The following KIAA1755 variants were observed in gnomAD, a reference collection of about 807,000 sequenced individuals.
KIAA1755 encodes uncharacterized protein KIAA1755.
In KIAA1755, 68 loss-of-function variants were observed where a neutral mutation model predicts 91.7. That is an observed-to-expected ratio of 0.74 (90% CI 0.61 to 0.91). The LOEUF (loss-of-function observed/expected upper bound fraction) is 0.91, where lower values mean the gene tolerates loss of function less well. KIAA1755 is among the 40% of genes least tolerant of loss of function. KIAA1755 has a pLI of 0.00. For missense variants in KIAA1755, 1,535 were observed against 1,494.4 expected (o/e 1.03, Z -0.45); for synonymous variants, 610 against 604.6 (o/e 1.01, Z -0.13).
intron 1 of KIAA1755, among the ~76,000 whole-genome samples, chr20:38,258,871 C>T (rs1307105488): frequency 6.6e-6 from 1 of 152,200 alleles, no homozygotes; most frequent in East Asian, 1.9e-4. Flanking sequence ...TGACAGGGGG[C>T]AGACCAGTGC....
At chr20:38,224,025 C>T (rs2075710435) in intron 8 of KIAA1755, among the ~76,000 whole-genome samples, 1 of 152,198 alleles carries the variant, frequency 6.6e-6, no homozygotes, top group Non-Finnish European at 1.5e-5. Context: ...GTTAGGGGAA[C>T]ATTTTCAGCT....
At chr20:38,223,912 C>A (rs2123108478) in intron 8 of KIAA1755, among the ~76,000 whole-genome samples, 1 of 152,272 alleles carries the variant, frequency 6.6e-6, no homozygotes, top group East Asian at 1.9e-4. Context: ...ACTTTGAGAA[C>A]CACTGGTGTT....
chr20:38,219,050 T>TGAA (rs1161162144), intron 11 of KIAA1755, among the ~76,000 whole-genome samples: 1 of 152,140 alleles, frequency 6.6e-6, no homozygotes, highest in Non-Finnish European at 1.5e-5. Flanking sequence ...ATTCAACAAA[T>TGAA]GAAGATACTG....
intron 8 of KIAA1755, 120 bp from the exon 9 acceptor site, chr20:38,223,756 A>C (rs771602321): frequency 1.3e-5 from 9 of 687,910 alleles, no homozygotes; most frequent in Non-Finnish European, 2.2e-5. Flanking sequence ...CAGGTGCATC[A>C]GAAGCATCTG....
At chr20:38,222,820 A>T (rs1307429418) in intron 9 of KIAA1755, 2 of 607,478 alleles carry the variant, frequency 3.3e-6, no homozygotes, top group Non-Finnish European at 5.9e-6. Context: ...TGGGACACCC[A>T]TTCCAGCCTC....
chr20:38,218,293 G>T lies in KIAA1755; in HGVS notation c.2630C>A (p.Thr877Lys). 6.2e-7 allele frequency: 1 copy of T among 1,614,208 alleles called. No homozygotes were observed. Among genetic ancestry groups the T allele is most frequent in the Non-Finnish European group, 8.5e-7 (1 of 1,180,048 alleles). The change falls in exon 12 of 14, where the codon ACA becomes AAA. Residue 877 changes from threonine (T) to lysine (K), a missense_variant. Physicochemically the swap from Thr to Lys is moderately conservative, Grantham distance 78. Transcript: ENST00000279024. ...SLTPKDGSLETVEKAHAEFEN... is the reference protein window; with the variant it reads ...SLTPKDGSLEKVEKAHAEFEN... The stretch of plus-strand genomic sequence containing the variant: ...AAATTCTGCGTGGGCTTTCTCCACT[G>T]TCTCCAAACTTCCATCCTTGGGGGT...
chr20:38,257,658 T>C (rs150292627), intron 1 of KIAA1755, among the ~76,000 whole-genome samples: 52 of 148,702 alleles, frequency 3.5e-4, no homozygotes, highest in African/African-American at 1.2e-3. Flanking sequence ...TGGGAGAACA[T>C]AGATTGATGT....
chr20:38,216,806 T>C (rs1189595516), intron 13 of KIAA1755: 1 of 464,086 alleles, frequency 2.2e-6, no homozygotes, highest in Non-Finnish European at 4.3e-6. Flanking sequence ...AGGTCTGGCA[T>C]GGTGTACACA....
intron 1 of KIAA1755, among the ~76,000 whole-genome samples, chr20:38,250,643 C>T (rs1029640131): frequency 6.6e-6 from 1 of 151,760 alleles, no homozygotes. Flanking sequence ...GAGAAAACCC[C>T]GTGTGCTGCA....
rs200339630 is a variant in KIAA1755, at chr20:38,222,441, G to A, written c.2417+8C>T. On this transcript the variant is annotated splice_region_variant and intron_variant, in intron 10 of 13. Transcript: ENST00000279024. Reference sequence around the variant, plus strand: ...GGGGTGGAAGAGGAAAGGCCTGGACGTCTGTACCTGACATCAGGGCTGAAG... The same window carrying A: ...GGGGTGGAAGAGGAAAGGCCTGGACATCTGTACCTGACATCAGGGCTGAAG... 600 of 1,611,782 alleles carry A rather than the reference G, an allele frequency of 3.7e-4. 1 individual carries two copies. The highest frequency in any genetic ancestry group is 1.8e-3 in the Middle Eastern group (9 of 4,942).
chr20:38,246,416 A>T (rs537778304), intron 1 of KIAA1755, among the ~76,000 whole-genome samples: 1 of 143,896 alleles, frequency 6.9e-6, no homozygotes, highest in Non-Finnish European at 1.5e-5. Flanking sequence ...TCTTTGCTCA[A>T]ATGTCATCTG....
intron 8 of KIAA1755, among the ~76,000 whole-genome samples, chr20:38,224,754 C>T (rs969884994): frequency 3.3e-5 from 5 of 152,146 alleles, no homozygotes; most frequent in African/African-American, 7.2e-5. Context: ...TGATGGGCAT[C>T]GGTTTCGGTG....
At chr20:38,245,864 C>T in intron 2 of KIAA1755, 65 bp downstream of exon 2, 1 of 1,509,272 alleles carries the variant, frequency 6.6e-7, no homozygotes, top group Middle Eastern at 1.8e-4. Context: ...CCTTCTCTGC[C>T]CGCCTCTAGC....
At chr20:38,248,949 AC>A (rs1358641470) in intron 1 of KIAA1755, among the ~76,000 whole-genome samples, 1 of 151,970 alleles carries the variant, frequency 6.6e-6, no homozygotes, top group Non-Finnish European at 1.5e-5. Flanking sequence ...ATCTCGGCTC[AC>A]TGCAGTCTTG....
At chr20:38,246,885 C>A (rs778902422) in intron 1 of KIAA1755, among the ~76,000 whole-genome samples, 12 of 152,170 alleles carry the variant, frequency 7.9e-5, no homozygotes, top group Non-Finnish European at 1.5e-4. Context: ...TCTCCTCCTG[C>A]CTCCCAACCC....
chr20:38,240,679 C>G lies in KIAA1755; in HGVS notation c.1452G>C (p.Val484=), dbSNP rs947189089. ...GCTGGAGTGAGGCTTTCTCCGGGGT[C>G]ACAGAGGGTTGCCTCTGCCCTCTCA... is the stretch of plus-strand genomic sequence containing the variant. The part of the protein sequence containing the change: ...SFLRGQRQPS[V]TPEKASLQHN... Residue 484 remains valine, a synonymous_variant, in exon 3 of 14, where the codon GTG becomes GTC. Coordinates refer to ENST00000279024, the MANE Select transcript of KIAA1755 (RefSeq NM_001029864.2). 3.9e-6 allele frequency: 6 copies of G among 1,552,502 alleles called. No homozygotes were observed. Among genetic ancestry groups the G allele is most frequent in the Non-Finnish European group, 4.3e-6 (5 of 1,150,654 alleles).
chr20:38,254,571 TG>T (rs2076306996), intron 1 of KIAA1755, among the ~76,000 whole-genome samples: 1 of 152,072 alleles, frequency 6.6e-6, no homozygotes, highest in African/African-American at 2.4e-5. Context: ...GAGGATCTCT[TG>T]GGGCCAGAAG....
At chr20:38,258,016 C>T (rs1372844398) in intron 1 of KIAA1755, among the ~76,000 whole-genome samples, 5 of 151,990 alleles carry the variant, frequency 3.3e-5, no homozygotes, top group Non-Finnish European at 7.4e-5. Flanking sequence ...TCTCCTGCCT[C>T]AGCCTCCCGA....
intron 1 of KIAA1755, among the ~76,000 whole-genome samples, chr20:38,252,812 C>T (rs1265746097): frequency 6.6e-6 from 1 of 152,170 alleles, no homozygotes; most frequent in Non-Finnish European, 1.5e-5. Context: ...GAGCTCTTGG[C>T]CAGCACATTA....
Sources: gnomAD v4.1 joint callset for allele counts (sites outside exome capture counted in the v4.1 genomes callset) on GRCh38, gnomAD v4.1.1 for gene constraint, MANE v1.5 for transcripts, NCBI Gene and HGNC (gene_info 2026-07-23, HGNC 2026-07-21) for gene names.